Variants in STK39 observed in about 807,000 individuals in gnomAD.
The protein encoded by STK39 is STE20/SPS1-related proline-alanine-rich protein kinase.
STK39 carries 20 observed loss-of-function variants against 77.8 expected under a neutral mutation model. The ratio of observed to expected loss-of-function variants is 0.26; its 90% confidence interval spans 0.18 to 0.37. The LOEUF is 0.37. STK39 is among the 10% of genes least tolerant of loss of function. STK39 has a pLI of 1.00. For synonymous variants in STK39, 246 were observed against 234.1 expected, an observed-to-expected ratio of 1.05 and a Z score of -0.47; for missense variants, 479 against 656.5, an observed-to-expected ratio of 0.73 and a Z score of 2.95.
chr2:168,201,577 A>G (rs967355745), intron 1 of STK39, among the ~76,000 whole-genome samples: 2 of 152,238 alleles, frequency 1.3e-5, no homozygotes, highest in Non-Finnish European at 2.9e-5. Flanking sequence ...ATTGCCAGGC[A>G]TAATTCAATG....
chr2:168,048,223 T>C (rs1320424510), intron 14 of STK39, among the ~76,000 whole-genome samples: 2 of 151,812 alleles, frequency 1.3e-5, no homozygotes, highest in African/African-American at 4.8e-5. Flanking sequence ...ATGCTTTTTT[T>C]TTTTTTTGAG....
chr2:168,100,384 G>A lies in STK39; in HGVS notation c.1090-25153C>T, dbSNP rs947309227. ...AAAGGTAACCACATGATCAGGATAC[G>A]TCATTTTACCTCTCTGAGCCTCAGT... On this transcript the variant is annotated intron_variant, in intron 10 of 17. Transcript: ENST00000355999. 4.6e-5 allele frequency among the ~76,000 whole-genome samples: 7 copies of A among 152,088 alleles called. No homozygotes were observed. The South Asian group carries it at 6.2e-4, about 14-fold the overall frequency.
chr2:168,129,233 C>T (rs897526663), intron 10 of STK39, among the ~76,000 whole-genome samples: 2 of 152,170 alleles, frequency 1.3e-5, no homozygotes, highest in South Asian at 2.1e-4. Flanking sequence ...AAAGGAAAGA[C>T]GTTCAAGGAT....
At chr2:168,098,478 G>A (rs762826206) in intron 10 of STK39, among the ~76,000 whole-genome samples, 3 of 152,118 alleles carry the variant, frequency 2.0e-5, no homozygotes, top group Non-Finnish European at 4.4e-5. Context: ...ATTGCACCAC[G>A]TATGCCTGAC....
chr2:167,998,153 C>G (rs973923350), intron 16 of STK39, among the ~76,000 whole-genome samples: 2 of 152,180 alleles, frequency 1.3e-5, no homozygotes. Flanking sequence ...GATGGCTTTA[C>G]CAATGCATAA....
Position 168,129,756 on chromosome 2 carries a change from G to A in STK39, c.977C>T (p.Pro326Leu). ...LCLQKDPSKRPTAAELLKCKF... is the reference protein window; with the variant it reads ...LCLQKDPSKRLTAAELLKCKF... ...GCATTTTAAAAGTTCTGCTGCTGTG[G>A]GCCTGAAAGATCAATAATAAATTAG... The change falls in exon 9 of 18, where the codon CCC becomes CTC. Residue 326 changes from proline to leucine, a missense_variant and splice_region_variant. Physicochemically the swap from Pro to Leu is moderately conservative, Grantham distance 98. Around this residue, in one of 3 missense-constraint regions of STK39, gnomAD observed 244 missense variants for 296.8 expected, o/e 0.82. Coordinates refer to ENST00000355999, the MANE Select transcript of STK39 (RefSeq NM_013233.3). 1.2e-6 allele frequency: 2 copies of A among 1,613,580 alleles called. No homozygotes were observed. The highest frequency in any genetic ancestry group is 1.7e-6 in the Non-Finnish European group (2 of 1,179,924).
At chr2:167,995,185 C>T (rs763399517) in intron 16 of STK39, among the ~76,000 whole-genome samples, 5 of 151,998 alleles carry the variant, frequency 3.3e-5, no homozygotes, top group Non-Finnish European at 7.4e-5. Flanking sequence ...TCTTGTCTCA[C>T]TGCAACCTCT....
At chr2:168,035,598 C>T (rs1186534989) in intron 14 of STK39, among the ~76,000 whole-genome samples, 2 of 152,112 alleles carry the variant, frequency 1.3e-5, no homozygotes, top group Non-Finnish European at 2.9e-5. Context: ...AACCGTTCGG[C>T]TCAGATACAT....
intron 12 of STK39, among the ~76,000 whole-genome samples, chr2:168,073,938 G>C (rs531610998): frequency 6.6e-6 from 1 of 152,206 alleles, no homozygotes; most frequent in South Asian, 2.1e-4. Context: ...TTTTATGTAT[G>C]AAATTGAGAG....
chr2:168,023,340 T>C (rs115169424), intron 14 of STK39, among the ~76,000 whole-genome samples: 5,411 of 152,034 alleles, frequency 0.036, 346 homozygotes, highest in African/African-American at 0.12. Context: ...GTTTTTCTTC[T>C]TGTTCTTTCA....
intron 5 of STK39, among the ~76,000 whole-genome samples, chr2:168,147,903 C>G (rs1439327444): frequency 1.3e-5 from 2 of 152,208 alleles, no homozygotes; most frequent in Non-Finnish European, 1.5e-5. Flanking sequence ...TTAGCAGTTA[C>G]AGAATCAGAG....
At chr2:167,981,793 C>T (rs1486396866) in intron 16 of STK39, among the ~76,000 whole-genome samples, 1 of 152,122 alleles carries the variant, frequency 6.6e-6, no homozygotes, top group Non-Finnish European at 1.5e-5. Context: ...AAAGATCATC[C>T]CAATAACCTT....
chr2:168,023,121 G>T (rs1449040931), intron 14 of STK39, among the ~76,000 whole-genome samples: 1 of 152,110 alleles, frequency 6.6e-6, no homozygotes, highest in African/African-American at 2.4e-5. Context: ...TTGCTATGTT[G>T]CTGAGGCTGG....
At chr2:168,033,496 GTA>G (rs1057203585) in intron 14 of STK39, among the ~76,000 whole-genome samples, 14 of 152,174 alleles carry the variant, frequency 9.2e-5, no homozygotes, top group African/African-American at 2.4e-4. Flanking sequence ...TCTGGCCTTG[GTA>G]TATGTAGCAG....
intron 12 of STK39, among the ~76,000 whole-genome samples, chr2:168,066,174 A>G (rs1685789569): frequency 6.6e-6 from 1 of 152,244 alleles, no homozygotes; most frequent in East Asian, 1.9e-4. Flanking sequence ...TTAAGAGCAT[A>G]AAATTCTTAC....
intron 1 of STK39, among the ~76,000 whole-genome samples, chr2:168,238,833 A>C (rs994551795): frequency 3.9e-5 from 6 of 152,236 alleles, no homozygotes; most frequent in Admixed American, 1.3e-4. Flanking sequence ...AATTGATGGC[A>C]GATAGGGAAA....
intron 5 of STK39, among the ~76,000 whole-genome samples, chr2:168,161,008 T>C (rs1329640357): frequency 1.3e-5 from 2 of 151,874 alleles, no homozygotes; most frequent in Non-Finnish European, 2.9e-5. Flanking sequence ...AACTAGGTGA[T>C]GGGTACAAGT....
chr2:168,082,233 T>A (rs1686253494), intron 10 of STK39, among the ~76,000 whole-genome samples: 2 of 152,130 alleles, frequency 1.3e-5, no homozygotes, highest in South Asian at 4.2e-4. Context: ...TATGCTTAAG[T>A]CTCTCTTATA....
At chr2:167,975,878 T>C (rs536560450) in intron 16 of STK39, among the ~76,000 whole-genome samples, 1 of 152,318 alleles carries the variant, frequency 6.6e-6, no homozygotes, top group East Asian at 1.9e-4. Context: ...GGACTGGTCA[T>C]GATAGGAAAA....
Sources: allele counts gnomAD v4.1 joint callset (sites outside exome capture counted in the v4.1 genomes callset), GRCh38; gene constraint gnomAD v4.1.1; regional missense constraint gnomAD v4.1.1; transcripts MANE v1.5; gene names NCBI Gene and HGNC (gene_info 2026-07-23, HGNC 2026-07-21).